The following RPF2 variants were observed in gnomAD, a reference collection of about 807,000 sequenced individuals.
RPF2 encodes ribosome production factor 2 homolog.
A neutral mutation model predicts 38.9 loss-of-function variants in RPF2; 21 were observed. That is an observed-to-expected ratio of 0.54 (90% CI 0.38 to 0.78). The LOEUF is 0.78. Among genes scored for constraint, RPF2 ranks in the 30% least tolerant of loss-of-function variants. The pLI is 0.00. For synonymous variants in RPF2, 121 were observed against 126.2 expected (o/e 0.96, Z 0.28); for missense variants, 314 against 358.1 (o/e 0.88, Z 0.99).
chr6:111,020,157 ATC>A (rs1358147125), intron 8 of RPF2, among the ~76,000 whole-genome samples: 1 of 151,866 alleles, frequency 6.6e-6, no homozygotes, highest in Non-Finnish European at 1.5e-5. Context: ...TGACCTCGTG[ATC>A]TACCTGCCTT....
intron 8 of RPF2, among the ~76,000 whole-genome samples, chr6:111,020,574 T>G (rs757328340): frequency 6.6e-6 from 1 of 152,108 alleles, no homozygotes; most frequent in Non-Finnish European, 1.5e-5. Context: ...AGAGCAAGAA[T>G]AAACTGGCCC....
intron 7 of RPF2, 142 bp downstream of exon 7, chr6:111,008,279 G>C (rs1771952090): frequency 1.0e-6 from 1 of 961,648 alleles, no homozygotes; most frequent in Admixed American, 4.1e-5. Flanking sequence ...TAAAATAATG[G>C]AGTGCTTCAC....
At chr6:110,989,166 T>C in intron 3 of RPF2, 101 bp downstream of exon 3, 1 of 1,188,598 alleles carries the variant, frequency 8.4e-7, no homozygotes, top group South Asian at 2.0e-5. Flanking sequence ...TTTAAAAAGA[T>C]ATTAAAATTC....
At chr6:111,015,186 T>A (rs1772086448) in intron 7 of RPF2, among the ~76,000 whole-genome samples, 2 of 152,232 alleles carry the variant, frequency 1.3e-5, no homozygotes, top group East Asian at 3.8e-4. Context: ...ATTAAAATGC[T>A]CTCATGTGCC....
At chr6:111,010,109 C>T (rs6568663) in intron 7 of RPF2, among the ~76,000 whole-genome samples, 19,343 of 150,826 alleles carry the variant, frequency 0.13, 1,713 homozygotes, top group East Asian at 0.49. Flanking sequence ...TCTCTCTGTC[C>T]CTCAATTTTT....
At chr6:110,990,573 C>A (rs1267387857) in intron 3 of RPF2, among the ~76,000 whole-genome samples, 5 of 88,704 alleles carry the variant, frequency 5.6e-5, no homozygotes, top group Middle Eastern at 5.8e-3. Context: ...CCCCCCCCCC[C>A]ACCTTTTCTT....
chr6:111,016,687 CTTTTT>C (rs34370879), intron 8 of RPF2, among the ~76,000 whole-genome samples: 3 of 95,382 alleles, frequency 3.1e-5, no homozygotes, highest in Non-Finnish European at 6.2e-5. Flanking sequence ...TTTTTTCTTT[CTTTTT>C]TTTTTTTTTA....
chr6:111,025,373 A>G (rs1262175312), intron 9 of RPF2, 30 bp from the exon 10 acceptor site: 2 of 1,481,868 alleles, frequency 1.3e-6, no homozygotes, highest in South Asian at 1.2e-5. Flanking sequence ...GTAGAAGGCC[A>G]TTAAATATAT....
At chr6:111,014,658 A>G (rs1772076930) in intron 7 of RPF2, among the ~76,000 whole-genome samples, 1 of 152,188 alleles carries the variant, frequency 6.6e-6, no homozygotes, top group African/African-American at 2.4e-5. Flanking sequence ...TAGACCTTTT[A>G]TCTTAGCCAA....
chr6:111,006,924 T>C lies in RPF2; in HGVS notation c.394-1114T>C, dbSNP rs186164060. On this transcript the variant is annotated intron_variant, in intron 6 of 9. Transcript: ENST00000441448. The stretch of plus-strand genomic sequence containing the variant: ...CCCCATCTCTACTAAAAATACAAAA[T>C]TAGCCAGGCGTGGTGGCACATGCCT... Among the ~76,000 whole-genome samples, 504 of 152,104 alleles carry C rather than the reference T, an allele frequency of 3.3e-3. 2 individuals are homozygous for C. Among genetic ancestry groups the C allele is most frequent in the Non-Finnish European group, 3.8e-3 (258 of 67,986 alleles).
intron 3 of RPF2, among the ~76,000 whole-genome samples, chr6:110,991,233 T>A (rs542685168): frequency 6.6e-6 from 1 of 152,216 alleles, no homozygotes; most frequent in African/African-American, 2.4e-5. Context: ...GCTATGTAAA[T>A]AGTTATAATG....
chr6:111,012,131 C>T (rs1313392148), intron 7 of RPF2, among the ~76,000 whole-genome samples: 2 of 149,042 alleles, frequency 1.3e-5, no homozygotes, highest in African/African-American at 2.5e-5. Context: ...TGCAAGATAC[C>T]CATTTTGTTC....
intron 6 of RPF2, among the ~76,000 whole-genome samples, chr6:111,004,146 G>A (rs1771865737): frequency 6.6e-6 from 1 of 150,812 alleles, no homozygotes; most frequent in Non-Finnish European, 1.5e-5. Context: ...CCTAGTTCAG[G>A]GTCTTCATCA....
chr6:111,006,806 G>T (rs1771916559), intron 6 of RPF2, among the ~76,000 whole-genome samples: 1 of 152,086 alleles, frequency 6.6e-6, no homozygotes, highest in Non-Finnish European at 1.5e-5. Context: ...AGTTGCAGTG[G>T]CTCATGCCTG....
chr6:110,987,171 G>A (rs552415272), intron 2 of RPF2, among the ~76,000 whole-genome samples: 2 of 152,058 alleles, frequency 1.3e-5, no homozygotes, highest in Admixed American at 6.6e-5. Context: ...GGGTTCAGGC[G>A]ATTCTCCTGC....
At chr6:110,986,813 A>G (rs945185425) in intron 2 of RPF2, among the ~76,000 whole-genome samples, 3 of 151,764 alleles carry the variant, frequency 2.0e-5, no homozygotes, top group African/African-American at 7.3e-5. Context: ...TTAGCCAGCC[A>G]TGGTGGTGGG....
At chr6:111,021,054 A>G (rs1487384779) in intron 8 of RPF2, among the ~76,000 whole-genome samples, 1 of 152,138 alleles carries the variant, frequency 6.6e-6, no homozygotes, top group African/African-American at 2.4e-5. Flanking sequence ...CTGTAATCCC[A>G]GCTATTCAGG....
chr6:110,984,330 T>C (rs1771486055), intron 1 of RPF2, among the ~76,000 whole-genome samples: 1 of 151,958 alleles, frequency 6.6e-6, no homozygotes, highest in South Asian at 2.1e-4. Flanking sequence ...GTTTGACTAC[T>C]TAAAGTTTGA....
intron 1 of RPF2, among the ~76,000 whole-genome samples, chr6:110,984,614 C>T (rs1414411009): frequency 3.9e-5 from 6 of 151,974 alleles, no homozygotes; most frequent in East Asian, 1.9e-4. Context: ...CCGAGGTGAG[C>T]GGATCACCTG....
Sources: allele counts gnomAD v4.1 joint callset (sites outside exome capture counted in the v4.1 genomes callset), GRCh38; gene constraint gnomAD v4.1.1; transcripts MANE v1.5; gene names NCBI Gene and HGNC (gene_info 2026-07-23, HGNC 2026-07-21).